FNDC3B: variants seen among roughly 807,000 people sequenced by gnomAD.
FNDC3B encodes fibronectin type III domain-containing protein 3B.
In FNDC3B, 12 loss-of-function variants were observed where a neutral mutation model predicts 151.5. The observed-to-expected ratio is 0.08, with a 90% CI of 0.05 to 0.13. The LOEUF is 0.13. FNDC3B is among the 10% of genes least tolerant of loss of function. FNDC3B has a pLI of 1.00. For missense variants in FNDC3B, 1,214 were observed against 1,505.3 expected (o/e 0.81, Z 3.20); for synonymous variants, 528 against 549.0 (o/e 0.96, Z 0.54).
intron 10 of FNDC3B, among the ~76,000 whole-genome samples, 183 bp from the exon 11 acceptor site, chr3:172,310,645 T>C (rs1174832229): frequency 6.6e-6 from 1 of 152,236 alleles, no homozygotes; most frequent in African/African-American, 2.4e-5. Context: ...CTCTCTCTAC[T>C]GTTGAGGTAT....
intron 1 of FNDC3B, among the ~76,000 whole-genome samples, chr3:172,048,654 T>C (rs758244757): frequency 6.6e-6 from 1 of 152,206 alleles, no homozygotes; most frequent in Non-Finnish European, 1.5e-5. Flanking sequence ...CCAGTGTTTA[T>C]AGCAGCATTA....
intron 1 of FNDC3B, among the ~76,000 whole-genome samples, chr3:172,061,523 C>T (rs970176075): frequency 2.2e-4 from 34 of 152,324 alleles, no homozygotes; most frequent in African/African-American, 7.2e-4. Flanking sequence ...TGAGCCACCA[C>T]ACCCAGCCTA....
intron 11 of FNDC3B, among the ~76,000 whole-genome samples, chr3:172,323,015 A>G (rs1732166158): frequency 1.4e-5 from 2 of 140,330 alleles, no homozygotes; most frequent in Admixed American, 1.4e-4. Context: ...ATAGTGCAGC[A>G]AAGTGTTTTA....
chr3:172,332,149 T>A (rs1013267929), intron 13 of FNDC3B, among the ~76,000 whole-genome samples: 2 of 152,126 alleles, frequency 1.3e-5, no homozygotes, highest in Non-Finnish European at 2.9e-5. Context: ...TTTGTATTTT[T>A]AGTAGAGACG....
intron 1 of FNDC3B, among the ~76,000 whole-genome samples, chr3:172,102,619 G>A (rs1719429369): frequency 6.6e-6 from 1 of 152,144 alleles, no homozygotes; most frequent in Non-Finnish European, 1.5e-5. Flanking sequence ...GGAAAACCTT[G>A]AACCACAGTC....
At chr3:172,345,100 G>T (rs1470406261) in intron 19 of FNDC3B, among the ~76,000 whole-genome samples, 1 of 152,162 alleles carries the variant, frequency 6.6e-6, no homozygotes, top group Non-Finnish European at 1.5e-5. Flanking sequence ...TGTTTTAAGT[G>T]AAAGCAAGTT....
At chr3:172,080,785 CTCTGTG>C (rs1718243399) in intron 1 of FNDC3B, among the ~76,000 whole-genome samples, 1 of 152,170 alleles carries the variant, frequency 6.6e-6, no homozygotes, top group African/African-American at 2.4e-5. Flanking sequence ...TGAATCTCCT[CTCTGTG>C]TCTGTTAAGG....
At chr3:172,309,242 C>G (rs1731343683) in intron 10 of FNDC3B, among the ~76,000 whole-genome samples, 2 of 152,226 alleles carry the variant, frequency 1.3e-5, no homozygotes, top group African/African-American at 2.4e-5. Context: ...GGGGAACATT[C>G]TCTGGCTGCC....
In FNDC3B at chr3:172,297,675, C is replaced by T. The variant is rs188209934; in HGVS notation, c.1002-1053C>T. The stretch of plus-strand genomic sequence containing the variant: ...ATTTTTAGTAGAGACGGGGTTTCAC[C>T]GTGTTAGCCAGGATGGTCTCGATCT... On this transcript the variant is annotated intron_variant, in intron 8 of 25. Transcript: ENST00000415807. Among the ~76,000 whole-genome samples the T allele has an allele frequency of 5.7e-4, 86 of 152,132 alleles. No homozygotes were observed. The East Asian group carries it at 6.2e-3, about 11-fold the overall frequency.
chr3:172,251,180 A>G (rs977635333), intron 5 of FNDC3B, 80 bp from the exon 6 acceptor site: 1 of 1,111,370 alleles, frequency 9.0e-7, no homozygotes, highest in African/African-American at 1.6e-5. Context: ...CTTCTTCAGG[A>G]GCCAGATCAT....
At chr3:172,289,546 T>TG (rs1560059857) in intron 7 of FNDC3B, among the ~76,000 whole-genome samples, 1 of 152,080 alleles carries the variant, frequency 6.6e-6, no homozygotes, top group African/African-American at 2.4e-5. Context: ...ATTAGTTGTT[T>TG]ATGCAGTTTC....
chr3:172,283,570 C>T (rs1050443438), intron 6 of FNDC3B, among the ~76,000 whole-genome samples: 3 of 152,168 alleles, frequency 2.0e-5, no homozygotes, highest in African/African-American at 7.2e-5. Flanking sequence ...TTCTTCATAG[C>T]AAGAGGAAAC....
At chr3:172,244,307 T>A (rs1171348838) in intron 4 of FNDC3B, among the ~76,000 whole-genome samples, 1 of 152,042 alleles carries the variant, frequency 6.6e-6, no homozygotes, top group Non-Finnish European at 1.5e-5. Context: ...GAAGGCATAT[T>A]TTTTTTGCCT....
intron 4 of FNDC3B, among the ~76,000 whole-genome samples, chr3:172,229,896 C>G (rs1458652866): frequency 6.6e-6 from 1 of 152,104 alleles, no homozygotes; most frequent in African/African-American, 2.4e-5. Context: ...AACACCAAGA[C>G]AGTTCACTGG....
At chr3:172,167,311 G>T (rs138935004) in intron 3 of FNDC3B, among the ~76,000 whole-genome samples, 16 of 152,126 alleles carry the variant, frequency 1.1e-4, no homozygotes, top group Admixed American at 4.6e-4. Context: ...CACGAGAATC[G>T]CTTGAACCCA....
intron 1 of FNDC3B, among the ~76,000 whole-genome samples, chr3:172,107,162 C>T (rs946914664): frequency 6.6e-6 from 1 of 152,124 alleles, no homozygotes; most frequent in Non-Finnish European, 1.5e-5. Context: ...AAGAATAGAA[C>T]TAGCTGGGTG....
intron 1 of FNDC3B, among the ~76,000 whole-genome samples, chr3:172,057,799 A>G (rs1252959709): frequency 1.3e-5 from 2 of 151,754 alleles, no homozygotes; most frequent in Non-Finnish European, 2.9e-5. Flanking sequence ...AATAATGACA[A>G]TCCCATTATT....
At chr3:172,378,204 A>G (rs966942181) in intron 23 of FNDC3B, 66 bp from the exon 24 acceptor site, 15 of 1,418,228 alleles carry the variant, frequency 1.1e-5, no homozygotes, top group South Asian at 2.8e-5. Context: ...ATTAGTTTGC[A>G]TCATAATTAA....
chr3:172,316,000 C>CTTTTT (rs555242809), intron 11 of FNDC3B, among the ~76,000 whole-genome samples: 97 of 79,870 alleles, frequency 1.2e-3, no homozygotes, highest in Non-Finnish European at 1.9e-3. Flanking sequence ...CTTTCTTCTT[C>CTTTTT]TTTTTTTTTT....
Sources: allele counts gnomAD v4.1 joint callset (sites outside exome capture counted in the v4.1 genomes callset), GRCh38; gene constraint gnomAD v4.1.1; transcripts MANE v1.5; gene names NCBI Gene and HGNC (gene_info 2026-07-23, HGNC 2026-07-21).